The following ORC5 variants were observed in gnomAD, a reference collection of about 807,000 sequenced individuals.
ORC5 encodes the protein origin recognition complex subunit 5.
Under a neutral mutation model 58.8 loss-of-function variants are expected in ORC5, and 39 were observed. The ratio of observed to expected loss-of-function variants is 0.66; its 90% CI spans 0.51 to 0.87. ORC5 has a LOEUF of 0.87. Among genes scored for constraint, ORC5 ranks in the 40% least tolerant of loss-of-function variants. The pLI is 0.00. For missense variants in ORC5, 493 were observed against 506.3 expected, an observed-to-expected ratio of 0.97 and a Z score of 0.25; for synonymous variants, 218 against 177.6, an observed-to-expected ratio of 1.23 and a Z score of -1.81.
At chr7:104,137,701 C>T (rs180811719) in intron 12 of ORC5, among the ~76,000 whole-genome samples, 153 of 152,184 alleles carry the variant, frequency 1.0e-3, no homozygotes, top group Middle Eastern at 3.4e-3. Context: ...AGGCCACCTA[C>T]GGTGGGACAA....
chr7:104,143,311 A>C (rs981350880), intron 12 of ORC5, among the ~76,000 whole-genome samples: 12 of 152,168 alleles, frequency 7.9e-5, no homozygotes, highest in Non-Finnish European at 1.3e-4. Context: ...CTTTTTCCAC[A>C]ATTTTTTCAT....
At chr7:104,162,044 A>T (rs1487250840) in intron 11 of ORC5, among the ~76,000 whole-genome samples, 4 of 152,222 alleles carry the variant, frequency 2.6e-5, no homozygotes, top group East Asian at 1.9e-4. Context: ...TGTAAAATTT[A>T]AAAAAATTTT....
chr7:104,128,186 G>A (rs1484720199), intron 13 of ORC5, among the ~76,000 whole-genome samples: 1 of 152,152 alleles, frequency 6.6e-6, no homozygotes, highest in Non-Finnish European at 1.5e-5. Flanking sequence ...GCAATAGCAT[G>A]ATCTCGGCTC....
In ORC5 at chr7:104,207,993, C is replaced by G; in HGVS notation, c.-89G>C. On this transcript the variant is annotated 5_prime_UTR_variant, in exon 1 of 14. Coordinates refer to ENST00000297431, the MANE Select transcript of ORC5 (RefSeq NM_002553.4). ...CCTCTCCCGAGTCTGGCGGCCCACGCTCCCGCCGGAAACCGGACCCGCAGC... is the reference window on the plus strand; with the variant it reads ...CCTCTCCCGAGTCTGGCGGCCCACGGTCCCGCCGGAAACCGGACCCGCAGC... The G allele has an allele frequency of 3.9e-6, 5 of 1,296,252 alleles. No individual in the cohort carries two copies. The highest frequency in any genetic ancestry group is 5.5e-6 in the Non-Finnish European group (5 of 905,584). 80.3% of individuals were successfully genotyped at this position (1,296,252 alleles called of 1,614,324 possible). A position where few individuals can be genotyped will look rare whatever the true frequency, so the allele number is the denominator to read the frequency against.
intron 2 of ORC5, 54 bp from the exon 3 acceptor site, chr7:104,201,012 T>C: frequency 6.9e-7 from 1 of 1,441,030 alleles, no homozygotes; most frequent in Non-Finnish European, 9.6e-7. Flanking sequence ...ACAAACACAA[T>C]AATGGCTGTG....
At chr7:104,174,838 C>G (rs1479512991) in intron 8 of ORC5, among the ~76,000 whole-genome samples, 1 of 152,168 alleles carries the variant, frequency 6.6e-6, no homozygotes, top group Non-Finnish European at 1.5e-5. Context: ...CTCCAGTGAG[C>G]ATGTGTACAA....
chr7:104,197,892 G>T, intron 3 of ORC5, 93 bp from the exon 4 acceptor site: 1 of 725,018 alleles, frequency 1.4e-6, no homozygotes. Context: ...AAGTTCATGT[G>T]TTGGAACTTA....
At chr7:104,179,365 G>A (rs370830929) in intron 8 of ORC5, among the ~76,000 whole-genome samples, 32 of 152,124 alleles carry the variant, frequency 2.1e-4, no homozygotes, top group East Asian at 1.7e-3. Context: ...GATGGTTTAC[G>A]TAAGTCATTA....
At chr7:104,127,069 ATATTT>A (rs1798440099) in intron 13 of ORC5, among the ~76,000 whole-genome samples, 176 bp from the exon 14 acceptor site, 1 of 151,896 alleles carries the variant, frequency 6.6e-6, no homozygotes, top group South Asian at 2.1e-4. Context: ...TAGGAACACA[ATATTT>A]TAATTTTTTT....
intron 12 of ORC5, among the ~76,000 whole-genome samples, chr7:104,145,223 C>T (rs540444076): frequency 6.6e-6 from 1 of 152,270 alleles, no homozygotes; most frequent in Non-Finnish European, 1.5e-5. Flanking sequence ...ACATAGTCTT[C>T]TATGGCTAAG....
rs149533377 is a variant in ORC5, at chr7:104,177,060, G to A, written c.824+6883C>T. On this transcript the variant is annotated intron_variant, in intron 8 of 13. Coordinates refer to ENST00000297431, the MANE Select transcript of ORC5 (RefSeq NM_002553.4). ...CCACAACTTTAAGATTCTCACTTAGGTGAACACCTGATATTCATAGGCTAT... is the reference window on the plus strand; with the variant it reads ...CCACAACTTTAAGATTCTCACTTAGATGAACACCTGATATTCATAGGCTAT... Among the ~76,000 whole-genome samples the A allele has an allele frequency of 5.3e-3, 808 of 152,334 alleles. 9 individuals carry two copies. Among genetic ancestry groups the A allele is most frequent in the African/African-American group, 0.018 (754 of 41,568 alleles).
chr7:104,143,731 A>G (rs1433933316), intron 12 of ORC5, among the ~76,000 whole-genome samples: 1 of 152,216 alleles, frequency 6.6e-6, no homozygotes, highest in Non-Finnish European at 1.5e-5. Flanking sequence ...TATCATGTGA[A>G]AATCACTGAA....
intron 12 of ORC5, among the ~76,000 whole-genome samples, chr7:104,152,638 C>A (rs1798864641): frequency 6.6e-6 from 1 of 152,150 alleles, no homozygotes. Context: ...TTTGCAAGCA[C>A]ATATCCATAC....
intron 8 of ORC5, among the ~76,000 whole-genome samples, chr7:104,173,676 T>G (rs1454192449): frequency 6.6e-6 from 1 of 152,142 alleles, no homozygotes; most frequent in Non-Finnish European, 1.5e-5. Flanking sequence ...TTTTTGCCTT[T>G]TCTGGCAATC....
intron 3 of ORC5, 101 bp downstream of exon 3, chr7:104,200,657 G>A: frequency 2.8e-6 from 2 of 720,120 alleles, no homozygotes; most frequent in Non-Finnish European, 4.7e-6. Context: ...CTGGCACAGA[G>A]CACTGTACAT....
At chr7:104,186,854 T>C (rs536487480) in intron 6 of ORC5, among the ~76,000 whole-genome samples, 1 of 152,350 alleles carries the variant, frequency 6.6e-6, no homozygotes, top group Admixed American at 6.5e-5. Context: ...ACTTAAACCA[T>C]ACTACACATT....
intron 8 of ORC5, among the ~76,000 whole-genome samples, chr7:104,174,238 A>C (rs1799276031): frequency 6.6e-6 from 1 of 152,196 alleles, no homozygotes; most frequent in South Asian, 2.1e-4. Context: ...CTTATTTCTA[A>C]GAATCTACAA....
intron 8 of ORC5, among the ~76,000 whole-genome samples, chr7:104,178,790 A>G (rs1299592831): frequency 6.6e-6 from 1 of 152,140 alleles, no homozygotes; most frequent in East Asian, 1.9e-4. Flanking sequence ...CAGTTTTCCT[A>G]GCACCATTTA....
At position 104,188,913 on chromosome 7, in the gene ORC5, T is replaced by C. The variant is rs181438129; in HGVS notation, c.554-532A>G. Among the ~76,000 whole-genome samples, 234 of 152,204 alleles carry C rather than the reference T, an allele frequency of 1.5e-3. 1 individual carries two copies. The highest frequency in any genetic ancestry group is 5.3e-3 in the African/African-American group (222 of 41,552). ...CTCTCTCCTGCTGGCCATGTGAAGATGTGTTTGCTTCCCCTTCACCTTCCA... is the reference window on the plus strand; with the variant it reads ...CTCTCTCCTGCTGGCCATGTGAAGACGTGTTTGCTTCCCCTTCACCTTCCA... On this transcript the variant is annotated intron_variant, in intron 5 of 13. Coordinates refer to ENST00000297431, the MANE Select transcript of ORC5 (RefSeq NM_002553.4).
Sources: allele counts gnomAD v4.1 joint callset (sites outside exome capture counted in the v4.1 genomes callset), GRCh38; gene constraint gnomAD v4.1.1; transcripts MANE v1.5; gene names NCBI Gene and HGNC (gene_info 2026-07-23, HGNC 2026-07-21).